TMEM132D: variants seen among roughly 807,000 people sequenced by gnomAD.
The protein encoded by TMEM132D is mature OL transmembrane protein.
In TMEM132D, 21 loss-of-function variants were observed where a neutral mutation model predicts 62.3. The observed-to-expected ratio is 0.34, with a 90% CI of 0.24 to 0.49. The LOEUF (loss-of-function observed/expected upper bound fraction) is 0.49, where lower values mean the gene tolerates loss of function less well. Among genes scored for constraint, TMEM132D ranks in the 20% least tolerant of loss-of-function variants. TMEM132D has a pLI of 0.99. For synonymous variants in TMEM132D, 621 were observed against 575.6 expected (o/e 1.08, Z -1.13); for missense variants, 1,346 against 1,402.8 (o/e 0.96, Z 0.65).
At chr12:129,439,767 G>A (rs901300273) in intron 3 of TMEM132D, among the ~76,000 whole-genome samples, 8 of 152,072 alleles carry the variant, frequency 5.3e-5, no homozygotes, top group African/African-American at 1.9e-4. Context: ...TTTTTTTTAA[G>A]TGTTGTAAAT....
At chr12:129,122,081 C>A (rs1335815496) in intron 5 of TMEM132D, among the ~76,000 whole-genome samples, 5 of 152,196 alleles carry the variant, frequency 3.3e-5, no homozygotes, top group Non-Finnish European at 7.3e-5. Flanking sequence ...ACCACTGCTG[C>A]AGAGCGATGC....
At chr12:129,706,928 A>G (rs1668992428) in intron 1 of TMEM132D, among the ~76,000 whole-genome samples, 1 of 151,712 alleles carries the variant, frequency 6.6e-6, no homozygotes, top group African/African-American at 2.4e-5. Context: ...ACATCAAAAC[A>G]TATGTGAAGC....
intron 5 of TMEM132D, among the ~76,000 whole-genome samples, chr12:129,107,134 G>A (rs1039379223): frequency 1.3e-5 from 2 of 152,194 alleles, no homozygotes. Context: ...GAGAATTCAT[G>A]TGCAAGAGCT....
chr12:129,331,444 A>T (rs944497452), intron 4 of TMEM132D, among the ~76,000 whole-genome samples: 1 of 152,130 alleles, frequency 6.6e-6, no homozygotes, highest in African/African-American at 2.4e-5. Context: ...CTCCTGATTA[A>T]GTTTTATCTC....
chr12:129,416,205 ATTTG>A (rs1432628211), intron 3 of TMEM132D, among the ~76,000 whole-genome samples: 3 of 152,140 alleles, frequency 2.0e-5, no homozygotes, highest in Non-Finnish European at 2.9e-5. Context: ...ATGTTTTTCC[ATTTG>A]TTTGTGTCCT....
intron 3 of TMEM132D, among the ~76,000 whole-genome samples, chr12:129,396,597 A>G (rs1871440364): frequency 6.6e-6 from 1 of 152,132 alleles, no homozygotes; most frequent in Non-Finnish European, 1.5e-5. Context: ...GGATGCAGGG[A>G]ACTGGGGCTT....
intron 5 of TMEM132D, among the ~76,000 whole-genome samples, chr12:129,108,784 TTTA>T (rs769529718): frequency 1.5e-4 from 23 of 152,234 alleles, no homozygotes; most frequent in Non-Finnish European, 3.4e-4. Context: ...GTTTGAAGAC[TTTA>T]TTATGAAAAA....
intron 1 of TMEM132D, among the ~76,000 whole-genome samples, chr12:129,757,183 T>TA (rs1229265000): frequency 6.6e-6 from 1 of 151,994 alleles, no homozygotes; most frequent in African/African-American, 2.4e-5. Context: ...AAGCATGTCT[T>TA]AAAGTTTTCA....
chr12:129,743,677 T>A (rs1190444586), intron 1 of TMEM132D, among the ~76,000 whole-genome samples: 1 of 152,146 alleles, frequency 6.6e-6, no homozygotes, highest in Non-Finnish European at 1.5e-5. Flanking sequence ...TTAGCTTACA[T>A]GGTGAGAGGG....
chr12:129,715,250 G>A (rs1367069949), intron 1 of TMEM132D, among the ~76,000 whole-genome samples: 3 of 151,698 alleles, frequency 2.0e-5, no homozygotes, highest in African/African-American at 7.2e-5. Context: ...AGGAGCATGA[G>A]CAGGAGGAGA....
intron 5 of TMEM132D, among the ~76,000 whole-genome samples, chr12:129,130,280 C>T (rs1168202586): frequency 5.9e-5 from 9 of 152,022 alleles, no homozygotes; most frequent in African/African-American, 2.4e-5. Flanking sequence ...TGGGGATGCC[C>T]GTGGAGATAG....
intron 1 of TMEM132D, among the ~76,000 whole-genome samples, chr12:129,808,786 G>T (rs1872076173): frequency 6.7e-6 from 1 of 149,796 alleles, no homozygotes; most frequent in Non-Finnish European, 1.5e-5. Flanking sequence ...TAGAGAACAT[G>T]AATAAAATAA....
intron 5 of TMEM132D, among the ~76,000 whole-genome samples, chr12:129,198,262 C>CT (rs1283322844): frequency 1.3e-5 from 2 of 152,156 alleles, no homozygotes; most frequent in African/African-American, 4.8e-5. Flanking sequence ...ACGGAGGTTA[C>CT]TCGAAAAACT....
At position 129,763,026 on chromosome 12, in the gene TMEM132D, G is replaced by A. The variant is rs117093680; in HGVS notation, c.80-62328C>T. Among the ~76,000 whole-genome samples the A allele has an allele frequency of 4.3e-4, 66 of 152,240 alleles. 2 individuals are homozygous for A. In the East Asian group the frequency reaches 7.6e-3, roughly 17 times the overall value. ...TATTTGCATGTAAAAGGAGAAATAC[G>A]CCTCCTAGTTCTTAAATCAGAGAGT... is the stretch of plus-strand genomic sequence containing the variant. On this transcript the variant is annotated intron_variant, in intron 1 of 8. Transcript: ENST00000422113.
chr12:129,449,618 C>A (rs570196599), intron 3 of TMEM132D, among the ~76,000 whole-genome samples: 1 of 152,182 alleles, frequency 6.6e-6, no homozygotes, highest in Non-Finnish European at 1.5e-5. Flanking sequence ...GTATCGACCA[C>A]CAAATCATAC....
chr12:129,126,133 G>A (rs1049356414), intron 5 of TMEM132D, among the ~76,000 whole-genome samples: 8 of 152,040 alleles, frequency 5.3e-5, no homozygotes, highest in African/African-American at 1.9e-4. Context: ...TCAATGTGTC[G>A]CTTAAGGTAC....
intron 3 of TMEM132D, among the ~76,000 whole-genome samples, chr12:129,391,017 C>T (rs998812704): frequency 6.6e-6 from 1 of 152,212 alleles, no homozygotes; most frequent in Non-Finnish European, 1.5e-5. Context: ...GCACACAGTA[C>T]AGTACGTACT....
intron 4 of TMEM132D, among the ~76,000 whole-genome samples, chr12:129,251,318 C>T (rs1159491813): frequency 4.2e-5 from 6 of 142,730 alleles, no homozygotes; most frequent in Admixed American, 7.2e-5. Flanking sequence ...GAGATTGCAC[C>T]GCTAAACTCC....
At chr12:129,151,432 G>C (rs971088112) in intron 5 of TMEM132D, among the ~76,000 whole-genome samples, 1 of 152,184 alleles carries the variant, frequency 6.6e-6, no homozygotes, top group Non-Finnish European at 1.5e-5. Context: ...GAGGGGGCTG[G>C]GAGCGGCTGA....
Sources: allele counts gnomAD v4.1 joint callset (sites outside exome capture counted in the v4.1 genomes callset), GRCh38; gene constraint gnomAD v4.1.1; transcripts MANE v1.5; gene names NCBI Gene and HGNC (gene_info 2026-07-23, HGNC 2026-07-21).